CHEK2: variants seen among roughly 807,000 people sequenced by gnomAD.
CHEK2 encodes the protein serine/threonine-protein kinase Chk2.
CHEK2 carries 71 observed loss-of-function variants against 69.1 expected under a neutral mutation model. That is an observed-to-expected ratio of 1.03 (90% CI 0.85 to 1.25). CHEK2 has a LOEUF of 1.25. Ranked by LOEUF, CHEK2 falls within the 50% of genes most tolerant of loss-of-function variation. The pLI is 0.00. For synonymous variants in CHEK2, 189 were observed against 226.9 expected, an observed-to-expected ratio of 0.83 and a Z score of 1.50; for missense variants, 664 against 649.6, an observed-to-expected ratio of 1.02 and a Z score of -0.24.
intron 5 of CHEK2, among the ~76,000 whole-genome samples, chr22:28,713,571 T>G (rs2053484159): frequency 6.6e-6 from 1 of 152,178 alleles, no homozygotes; most frequent in Admixed American, 6.6e-5. Flanking sequence ...TTAGCCAGGA[T>G]GGTCTTGATC....
intron 7 of CHEK2, among the ~76,000 whole-genome samples, chr22:28,705,968 A>AACTAAACT (rs1555917996): frequency 2.4e-4 from 35 of 147,412 alleles, no homozygotes; most frequent in Non-Finnish European, 4.0e-4. Context: ...AACTAAACTA[A>AACTAAACT]AAACTAAACT....
intron 1 of CHEK2, 98 bp from the exon 2 acceptor site, chr22:28,734,825 G>GAAAAAAAAAAA: frequency 1.5e-6 from 1 of 662,096 alleles, no homozygotes. Context: ...CAAAAGAAAA[G>GAAAAAAAAAAA]AAAAAAAAAA....
rs771089914 is a variant in CHEK2 at position 28,729,630 on chromosome 22, CAATAG to C, written c.320-4268_320-4264del. ...AACCAATTAATATAATACACGATAA[CAATAG>C]AATATAGGAAAATAGACACAGAAAA... On this transcript the variant is annotated intron_variant, in intron 2 of 14. Coordinates refer to ENST00000404276, the MANE Select transcript of CHEK2 (RefSeq NM_007194.4). Among the ~76,000 whole-genome samples, 51 of 147,358 alleles carry C rather than the reference CAATAG, an allele frequency of 3.5e-4. 1 individual carries two copies. Among genetic ancestry groups the C allele is most frequent in the East Asian group, 2.8e-3 (14 of 5,036 alleles).
intron 2 of CHEK2, among the ~76,000 whole-genome samples, chr22:28,732,808 C>T (rs1174975664): frequency 6.6e-6 from 1 of 151,860 alleles, no homozygotes; most frequent in Admixed American, 6.6e-5. Context: ...GCAATGTAAG[C>T]GAAAGGAAAA....
intron 8 of CHEK2, 125 bp from the exon 9 acceptor site, chr22:28,700,062 A>G: frequency 1.5e-6 from 1 of 688,668 alleles, no homozygotes; most frequent in Non-Finnish European, 2.6e-6. Context: ...TTCACTTTTG[A>G]CTCTCATTTT....
At chr22:28,727,859 G>A (rs1379285625) in intron 2 of CHEK2, 1 of 152,238 alleles carries the variant, frequency 6.6e-6, no homozygotes, top group Non-Finnish European at 1.5e-5. Context: ...ATATCACCCT[G>A]TGCTGGCAAG....
intron 1 of CHEK2, among the ~76,000 whole-genome samples, chr22:28,738,567 T>C (rs555575127): frequency 6.6e-6 from 1 of 152,126 alleles, no homozygotes; most frequent in East Asian, 1.9e-4. Context: ...ATGCTTGCTA[T>C]CTGGGAGCTA....
At chr22:28,703,044 A>C (rs2052949775) in intron 8 of CHEK2, among the ~76,000 whole-genome samples, 1 of 152,106 alleles carries the variant, frequency 6.6e-6, no homozygotes. Context: ...GGATGTAAAA[A>C]CCCACAGTTA....
intron 9 of CHEK2, among the ~76,000 whole-genome samples, chr22:28,698,354 C>T (rs2052675992): frequency 6.6e-6 from 1 of 151,714 alleles, no homozygotes; most frequent in Non-Finnish European, 1.5e-5. Flanking sequence ...GAGATCGTGC[C>T]ATTGGACTCC....
chr22:28,722,873 C>A (rs1194960658), intron 4 of CHEK2, among the ~76,000 whole-genome samples: 2 of 152,052 alleles, frequency 1.3e-5, no homozygotes, highest in Non-Finnish European at 2.9e-5. Flanking sequence ...CATGCCGCAG[C>A]CCCTAGAGGC....
rs755854249 is a variant in CHEK2, at chr22:28,719,529, C to T, written c.593-44G>A. The stretch of plus-strand genomic sequence containing the variant: ...GAAATGGGTTTCATTAATTTATTCA[C>T]AAGAGGCGATCACTGATTCTAAAAT... On this transcript the variant is annotated intron_variant, in intron 4 of 14. Transcript: ENST00000404276. The T allele has an allele frequency of 2.7e-5, 31 of 1,128,618 alleles. No homozygotes were observed. The Admixed American group carries it at 6.0e-4, about 22-fold the overall frequency. 69.9% of individuals were successfully genotyped at this position (1,128,618 alleles called of 1,614,324 possible).
rs864622613 is a variant in CHEK2 at position 28,725,368 on chromosome 22, C to T, written c.320-1G>A. On this transcript the variant is annotated splice_acceptor_variant, in intron 2 of 14. Coordinates refer to ENST00000404276, the MANE Select transcript of CHEK2 (RefSeq NM_007194.4). LOFTEE classifies it high-confidence loss of function. ...AACCAGTAGTTGTCATTCACACATT[C>T]TGTAATATAAAAGCATGCATCAGAG... 4.3e-6 allele frequency: 7 copies of T among 1,614,046 alleles called. No individual in the cohort carries two copies. Among genetic ancestry groups the T allele is most frequent in the South Asian group, 1.1e-5 (1 of 91,082 alleles).
In CHEK2 at chr22:28,707,875, T is replaced by C. The variant is rs968399488; in HGVS notation, c.846+2131A>G. Among the ~76,000 whole-genome samples, 11 of 149,684 alleles carry C rather than the reference T, an allele frequency of 7.3e-5. No homozygotes were observed. In the South Asian group the frequency reaches 1.5e-3, roughly 21 times the overall value. On this transcript the variant is annotated intron_variant, in intron 7 of 14. Transcript: ENST00000404276. ...TTTGTGAGACGGAGTCTCGCTCTGTTGCCCAGGCTGGAGTGCAGTGGCACA... is the reference window on the plus strand; with the variant it reads ...TTTGTGAGACGGAGTCTCGCTCTGTCGCCCAGGCTGGAGTGCAGTGGCACA...
Position 28,688,875 on chromosome 22 carries a change from G to A in CHEK2, c.1542+260C>T, listed in dbSNP as rs537992144. 1.4e-4 allele frequency among the ~76,000 whole-genome samples: 21 copies of A among 152,262 alleles called. No individual in the cohort carries two copies. The South Asian group carries it at 3.9e-3, about 29-fold the overall frequency. Reference sequence around the variant, plus strand: ...ATTTGAGCCTCTAATAGAGTCTTTCGAAATTGCCTTGCAGGTGACCTTTTG... The same window carrying A: ...ATTTGAGCCTCTAATAGAGTCTTTCAAAATTGCCTTGCAGGTGACCTTTTG... On this transcript the variant is annotated intron_variant, in intron 14 of 14. Coordinates refer to ENST00000404276, the MANE Select transcript of CHEK2 (RefSeq NM_007194.4).
Position 28,735,436 on chromosome 22 carries a change from A to G in CHEK2, c.-6-709T>C, listed in dbSNP as rs138414591. On this transcript the variant is annotated intron_variant, in intron 1 of 14. Transcript: ENST00000404276. Reference sequence around the variant, plus strand: ...AAAAAACTCATATATACAGTCCTCAATTTAACAATGCTTCTATTTAACAAT... The same window carrying G: ...AAAAAACTCATATATACAGTCCTCAGTTTAACAATGCTTCTATTTAACAAT... 7.5e-3 allele frequency among the ~76,000 whole-genome samples: 1,136 copies of G among 152,106 alleles called. 16 individuals are homozygous for G. Among genetic ancestry groups the G allele is most frequent in the African/African-American group, 0.026 (1,095 of 41,496 alleles).
At chr22:28,705,204 G>A (rs780525504) in intron 7 of CHEK2, among the ~76,000 whole-genome samples, 3 of 150,984 alleles carry the variant, frequency 2.0e-5, no homozygotes, top group African/African-American at 4.9e-5. Flanking sequence ...TCAGCCTCCC[G>A]AGTAGTTGGG....
At chr22:28,706,014 C>T (rs982262380) in intron 7 of CHEK2, among the ~76,000 whole-genome samples, 3 of 91,198 alleles carry the variant, frequency 3.3e-5, no homozygotes, top group Non-Finnish European at 7.0e-5. Flanking sequence ...AAGGGACAGG[C>T]CAGGCACAGT....
intron 9 of CHEK2, among the ~76,000 whole-genome samples, chr22:28,699,433 T>C (rs535231264): frequency 7.2e-6 from 1 of 138,800 alleles, no homozygotes; most frequent in South Asian, 2.4e-4. Context: ...TGGCATGATC[T>C]CAGCACACTG....
chr22:28,711,367 G>T (rs370165111), intron 6 of CHEK2, among the ~76,000 whole-genome samples: 1 of 152,078 alleles, frequency 6.6e-6, no homozygotes, highest in Non-Finnish European at 1.5e-5. Context: ...CAGAGAAATG[G>T]TTAAGTAAAT....
Sources: allele counts gnomAD v4.1 joint callset (sites outside exome capture counted in the v4.1 genomes callset), GRCh38; gene constraint gnomAD v4.1.1; transcripts MANE v1.5; gene names NCBI Gene and HGNC (gene_info 2026-07-23, HGNC 2026-07-21).